Variants in PTPRT observed in about 807,000 individuals in gnomAD.
PTPRT encodes receptor-type tyrosine-protein phosphatase T.
In PTPRT, 56 loss-of-function variants were observed where a neutral mutation model predicts 176.8. That is an observed-to-expected ratio of 0.32 (90% CI 0.26 to 0.40). The LOEUF is 0.40. Among genes scored for constraint, PTPRT ranks in the 10% least tolerant of loss-of-function variants. The pLI is 1.00. For missense variants in PTPRT, 1,540 were observed against 1,908.2 expected (o/e 0.81, Z 3.60); for synonymous variants, 783 against 739.0 (o/e 1.06, Z -0.96).
intron 7 of PTPRT, among the ~76,000 whole-genome samples, chr20:42,605,077 A>G (rs1303296914): frequency 1.3e-5 from 2 of 152,192 alleles, no homozygotes; most frequent in Non-Finnish European, 2.9e-5. Context: ...AGTAGAACTC[A>G]TGGAGTGAGG....
chr20:42,521,870 T>G (rs1435893703), intron 7 of PTPRT, among the ~76,000 whole-genome samples: 3 of 152,128 alleles, frequency 2.0e-5, no homozygotes, highest in African/African-American at 7.2e-5. Context: ...TTTGTATGAC[T>G]TAGTCGTTTT....
intron 1 of PTPRT, among the ~76,000 whole-genome samples, chr20:43,046,037 G>A (rs910830): frequency 0.32 from 48,766 of 151,888 alleles, 10,918 homozygotes; most frequent in African/African-American, 0.63. Context: ...ACAGGGGAGG[G>A]ATAAGAGGTG....
At chr20:42,052,815 A>G in the PTPRT span, among the ~76,000 whole-genome samples, 1 of 152,000 alleles carries the variant, frequency 6.6e-6, no homozygotes, top group South Asian at 2.1e-4. Flanking sequence ...TTCCTCTTAC[A>G]CAGTGGTCAG....
chr20:42,644,714 C>G (rs1188268205), intron 7 of PTPRT, among the ~76,000 whole-genome samples: 1 of 152,090 alleles, frequency 6.6e-6, no homozygotes, highest in Non-Finnish European at 1.5e-5. Flanking sequence ...CAGGGACTTT[C>G]TGGGAGGTAG....
rs552765436 is a variant in PTPRT at position 42,637,646 on chromosome 20, C to T, written c.1153+40220G>A. 3.3e-5 allele frequency among the ~76,000 whole-genome samples: 5 copies of T among 152,236 alleles called. No homozygotes were observed. The East Asian group carries it at 9.7e-4, about 29-fold the overall frequency. The stretch of plus-strand genomic sequence containing the variant: ...CCCTGAAAATTTTTCATATCATTTT[C>T]ACCTGAAGAATAATATTTATTTACC... On this transcript the variant is annotated intron_variant, in intron 7 of 30. Coordinates refer to ENST00000373187, the MANE Select transcript of PTPRT (RefSeq NM_007050.6).
chr20:43,151,007 T>TA (rs987124752), intron 1 of PTPRT, among the ~76,000 whole-genome samples: 15 of 152,038 alleles, frequency 9.9e-5, no homozygotes, highest in Non-Finnish European at 1.9e-4. Context: ...TTCAGTGTGG[T>TA]AAAAAATGGC....
Position 42,099,542 on chromosome 20 carries a change from T to TGGGTGG in PTPRT, c.3715-991_3715-990insCCACCC, listed in dbSNP as rs1325217305. Among the ~76,000 whole-genome samples the TGGGTGG allele has an allele frequency of 2.1e-3, 18 of 8,686 alleles. 1 individual carries two copies. The highest frequency in any genetic ancestry group is 4.8e-3 in the East Asian group (1 of 210). 5.7% of individuals were successfully genotyped at this position (8,686 alleles called of 152,430 possible). ...AAACAGAGGCCCAGAGAAAATGGCC[T>TGGGTGG]GGGCGGGGGGGGGGGGGGTGGGGTG... is the stretch of plus-strand genomic sequence containing the variant. On this transcript the variant is annotated intron_variant, in intron 26 of 30. Transcript: ENST00000373187.
At position 42,616,546 on chromosome 20, in the gene PTPRT, A is replaced by G. The variant is rs376758244; in HGVS notation, c.1153+61320T>C. On this transcript the variant is annotated intron_variant, in intron 7 of 30. Transcript: ENST00000373187. The stretch of plus-strand genomic sequence containing the variant: ...CCTTGGGCAGTATGGCCATTTTCAC[A>G]ATATTGATTCTTCCTACCCATGAGC... 1.4e-3 allele frequency among the ~76,000 whole-genome samples: 173 copies of G among 126,262 alleles called. 5 individuals are homozygous for G. The highest frequency in any genetic ancestry group is 5.5e-3 in the African/African-American group (145 of 26,488). 82.8% of individuals were successfully genotyped at this position (126,262 alleles called of 152,430 possible).
intron 1 of PTPRT, among the ~76,000 whole-genome samples, chr20:43,085,218 C>T (rs1236733770): frequency 6.6e-6 from 1 of 152,172 alleles, no homozygotes; most frequent in African/African-American, 2.4e-5. Context: ...ATTCCTCTCA[C>T]AGTGCTTCCT....
At chr20:42,618,496 T>C (rs1284401770) in intron 7 of PTPRT, among the ~76,000 whole-genome samples, 1 of 134,906 alleles carries the variant, frequency 7.4e-6, no homozygotes, top group Non-Finnish European at 1.5e-5. Flanking sequence ...TGGGTATCCT[T>C]GTTGACTTTC....
intron 7 of PTPRT, among the ~76,000 whole-genome samples, chr20:42,515,396 T>A (rs1302977506): frequency 6.6e-6 from 1 of 152,138 alleles, no homozygotes; most frequent in African/African-American, 2.4e-5. Context: ...GGCAGGAGAA[T>A]TGCTTGAACT....
In PTPRT at chr20:42,547,874, G is replaced by T. The variant is rs373708242; in HGVS notation, c.1154-75312C>A. Among the ~76,000 whole-genome samples, 12 of 151,998 alleles carry T rather than the reference G, an allele frequency of 7.9e-5. No homozygotes were observed. The East Asian group carries it at 1.4e-3, about 17-fold the overall frequency. ...CTATTAGAATCAATAAGTTTTACTA[G>T]GTAGCTAGATATAATATCAACTCCA... On this transcript the variant is annotated intron_variant, in intron 7 of 30. Transcript: ENST00000373187.
intron 1 of PTPRT, among the ~76,000 whole-genome samples, chr20:43,133,304 T>G (rs1287909198): frequency 6.6e-6 from 1 of 152,194 alleles, no homozygotes; most frequent in Non-Finnish European, 1.5e-5. Context: ...AAGACTACAT[T>G]TCAGGGTAAG....
intron 1 of PTPRT, among the ~76,000 whole-genome samples, chr20:42,995,996 AT>A (rs1984199430): frequency 6.6e-6 from 1 of 151,688 alleles, no homozygotes; most frequent in South Asian, 2.1e-4. Flanking sequence ...CTAAATTTTT[AT>A]TATTTTTTTT....
intron 7 of PTPRT, among the ~76,000 whole-genome samples, chr20:42,564,894 C>T (rs4482557): frequency 0.22 from 33,639 of 151,884 alleles, 4,091 homozygotes; most frequent in African/African-American, 0.32. Context: ...CATGCAAATA[C>T]GACCTCATTT....
chr20:42,848,960 G>A (rs2078425012), intron 2 of PTPRT, among the ~76,000 whole-genome samples: 1 of 152,200 alleles, frequency 6.6e-6, no homozygotes, highest in Non-Finnish European at 1.5e-5. Context: ...TTAGATTTAA[G>A]TCCTTGTTCC....
intron 7 of PTPRT, among the ~76,000 whole-genome samples, chr20:42,529,605 G>A (rs975441713): frequency 6.6e-6 from 1 of 152,048 alleles, no homozygotes; most frequent in African/African-American, 2.4e-5. Context: ...TCCTGCCCCA[G>A]CCTCCCGAGT....
intron 1 of PTPRT, among the ~76,000 whole-genome samples, chr20:42,939,596 T>C (rs374682711): frequency 6.6e-6 from 1 of 152,176 alleles, no homozygotes; most frequent in African/African-American, 2.4e-5. Context: ...TCTTTTTCAT[T>C]CCTTCATCTA....
chr20:43,003,394 G>A (rs1171431019), intron 1 of PTPRT, among the ~76,000 whole-genome samples: 2 of 152,002 alleles, frequency 1.3e-5, no homozygotes, highest in Non-Finnish European at 2.9e-5. Context: ...CGGTGGGAGG[G>A]TCTCCGTGTG....
Sources: allele counts gnomAD v4.1 joint callset (sites outside exome capture counted in the v4.1 genomes callset), GRCh38; gene constraint gnomAD v4.1.1; transcripts MANE v1.5; gene names NCBI Gene and HGNC (gene_info 2026-07-23, HGNC 2026-07-21).